Variants in TRIM60 observed in about 807,000 individuals in gnomAD.
TRIM60 encodes the protein tripartite motif-containing protein 60.
For missense variants in TRIM60, 524 were observed against 540.8 expected (o/e 0.97, Z 0.31); for synonymous variants, 189 against 195.2 (o/e 0.97, Z 0.27).
At position 165,040,164 on chromosome 4, in the gene TRIM60, G is replaced by T; in HGVS notation, c.92G>T (p.Cys31Phe). The T allele has an allele frequency of 1.2e-6, 2 of 1,614,122 alleles. No homozygotes were observed. The highest frequency in any genetic ancestry group is 1.7e-6 in the Non-Finnish European group (2 of 1,180,028). Residue 31 changes from cysteine to phenylalanine, a missense_variant, in exon 3 of 3, where the codon TGT becomes TTT. By Grantham distance (205) the Cys-to-Phe change is radical. Transcript: ENST00000512596. ...TTGAAAGACCCAGTGACCATCAACTGTGGGCACAACTTCTGTCGCTCCTGC... is the reference window on the plus strand; with the variant it reads ...TTGAAAGACCCAGTGACCATCAACTTTGGGCACAACTTCTGTCGCTCCTGC... ...EYLKDPVTINCGHNFCRSCLS... is the reference protein window; with the variant it reads ...EYLKDPVTINFGHNFCRSCLS...
In TRIM60 at chr4:165,041,074, TG is replaced by T; in HGVS notation, c.1003del (p.Val335SerfsTer6). 1 of 1,614,248 alleles carries T rather than the reference TG, an allele frequency of 6.2e-7. No homozygotes were observed. The highest frequency in any genetic ancestry group is 1.1e-5 in the South Asian group (1 of 91,092). ...TTTGTTATGACCCAAGGAGATTTTA[TG>T]TCTGCCCTGCTGTCCTAGGCTCTCA... ...NICYDPRRFY[V>X]CPAVLGSQRF... is the part of the protein sequence containing the mutation. On this transcript the variant is annotated frameshift_variant, in exon 3 of 3. Transcript: ENST00000512596. LOFTEE classifies it low-confidence loss of function (END_TRUNC).
At position 165,040,933 on chromosome 4, in the gene TRIM60, C is replaced by G; in HGVS notation, c.861C>G (p.Asp287Glu). ...FSLPPQYSGL[D>E]RIIKPFQVDV... is the part of the protein sequence containing the mutation. ...TTCCTCCTCAATATTCTGGCTTGGA[C>G]AGAATTATCAAGCCATTTCAAGTAG... Residue 287 changes from aspartate (D) to glutamate (E), a missense_variant, in exon 3 of 3, where the codon GAC becomes GAG. Asp to Glu is a conservative substitution (Grantham distance 45). Transcript: ENST00000512596. 6.2e-7 allele frequency: 1 copy of G among 1,613,772 alleles called. No homozygotes were observed. The highest frequency in any genetic ancestry group is 8.5e-7 in the Non-Finnish European group (1 of 1,179,742).
chr4:165,040,408 A>G lies in TRIM60; in HGVS notation c.336A>G (p.Leu112=). ...TGACCCTCTTCTGTGTTAAAGATCT[A>G]GAGATCTTATGTACACAGTGCAGTT... ...QFLTLFCVKD[L]EILCTQCSFS... is the part of the protein sequence containing the mutation. Residue 112 remains leucine (L), a synonymous_variant, in exon 3 of 3, where the codon CTA becomes CTG. Transcript: ENST00000512596. 1.9e-6 allele frequency: 3 copies of G among 1,614,028 alleles called. No individual in the cohort carries two copies. The highest frequency in any genetic ancestry group is 2.5e-6 in the Non-Finnish European group (3 of 1,179,856).
rs1420297132 is a variant in TRIM60 at position 165,036,796 on chromosome 4, GC to G, written c.-56-2404del. On this transcript the variant is annotated intron_variant, in intron 1 of 2. Coordinates refer to ENST00000512596, the MANE Select transcript of TRIM60 (RefSeq NM_152620.3). ...CTGGGGAGGCTGAGGCAGGGGAATCGCTTGAACCTGGGAGGCAGAGGTTGCA... is the reference window on the plus strand; with the variant it reads ...CTGGGGAGGCTGAGGCAGGGGAATCGTTGAACCTGGGAGGCAGAGGTTGCA... 6.6e-5 allele frequency among the ~76,000 whole-genome samples: 10 copies of G among 151,194 alleles called. 1 individual carries two copies. Among genetic ancestry groups the G allele is most frequent in the African/African-American group, 2.4e-4 (10 of 41,126 alleles).
At chr4:165,039,534 C>T (rs952350360) in intron 2 of TRIM60, 2 of 146,222 alleles carry the variant, frequency 1.4e-5, no homozygotes, top group African/African-American at 5.2e-5. Context: ...CGCGGTGGCT[C>T]ACGCCTGTAA....
At chr4:165,034,232 A>G (rs1733570057) in intron 1 of TRIM60, among the ~76,000 whole-genome samples, 1 of 151,582 alleles carries the variant, frequency 6.6e-6, no homozygotes, top group Non-Finnish European at 1.5e-5. Flanking sequence ...GGCTCACTGC[A>G]ACCTCCACCT....
Position 165,041,060 on chromosome 4 carries a change from C to T in TRIM60, c.988C>T (p.Pro330Ser). ...ERKKRNICYD[P>S]RRFYVCPAVL... ...AAAAAAACGAAACATTTGTTATGACCCAAGGAGATTTTATGTCTGCCCTGC... is the reference window on the plus strand; with the variant it reads ...AAAAAAACGAAACATTTGTTATGACTCAAGGAGATTTTATGTCTGCCCTGC... The change falls in exon 3 of 3, where the codon CCA becomes TCA. Residue 330 changes from proline to serine, a missense_variant. Coordinates refer to ENST00000512596, the MANE Select transcript of TRIM60 (RefSeq NM_152620.3). The T allele has an allele frequency of 6.2e-7, 1 of 1,614,064 alleles. No individual in the cohort carries two copies. The highest frequency in any genetic ancestry group is 8.5e-7 in the Non-Finnish European group (1 of 1,180,010).
In TRIM60 at chr4:165,040,559, A is replaced by G. The variant is rs758010249; in HGVS notation, c.487A>G (p.Ile163Val). Residue 163 changes from isoleucine to valine, a missense_variant, in exon 3 of 3, where the codon ATT becomes GTT. Ile to Val is a conservative substitution (Grantham distance 29, BLOSUM62 3). Coordinates refer to ENST00000512596, the MANE Select transcript of TRIM60 (RefSeq NM_152620.3). ...NNIERVEKVI[I>V]LQGSKSVELK... The stretch of plus-strand genomic sequence containing the variant: ...TATAGAACGAGTTGAAAAAGTGATA[A>G]TTCTGCAAGGCAGCAAATCAGTGGA... 14 of 1,614,042 alleles carry G rather than the reference A, an allele frequency of 8.7e-6. No homozygotes were observed. The highest frequency in any genetic ancestry group is 2.2e-5 in the South Asian group (2 of 91,082).
chr4:165,040,305 C>T lies in TRIM60; in HGVS notation c.233C>T (p.Ala78Val), dbSNP rs1280208019. 1 of 1,614,048 alleles carries T rather than the reference C, an allele frequency of 6.2e-7. No homozygotes were observed. Among genetic ancestry groups the T allele is most frequent in the African/African-American group, 1.3e-5 (1 of 74,896 alleles). Residue 78 changes from alanine to valine, a missense_variant, in exon 3 of 3, where the codon GCT becomes GTT. Transcript: ENST00000512596. ...NPQLRNLTEI[A>V]KQLQIRRSKR... Reference sequence around the variant, plus strand: ...CAGCTCCGTAATTTGACTGAAATTGCTAAACAACTCCAGATTAGGAGGAGC... The same window carrying T: ...CAGCTCCGTAATTTGACTGAAATTGTTAAACAACTCCAGATTAGGAGGAGC...
chr4:165,040,141 G>C lies in TRIM60; in HGVS notation c.69G>C (p.Leu23Phe). 1 of 1,613,970 alleles carries C rather than the reference G, an allele frequency of 6.2e-7. No individual in the cohort carries two copies. Among genetic ancestry groups the C allele is most frequent in the South Asian group, 1.1e-5 (1 of 91,078 alleles). Residue 23 changes from leucine (L) to phenylalanine (F), a missense_variant, in exon 3 of 3, where the codon TTG becomes TTC. Coordinates refer to ENST00000512596, the MANE Select transcript of TRIM60 (RefSeq NM_152620.3). ...ESSCPICLEY[L>F]KDPVTINCGH... ...GCTGTCCCATCTGTCTGGAGTACTT[G>C]AAAGACCCAGTGACCATCAACTGTG...
At chr4:165,033,890 A>C (rs563604548) in intron 1 of TRIM60, among the ~76,000 whole-genome samples, 1 of 152,204 alleles carries the variant, frequency 6.6e-6, no homozygotes, top group Non-Finnish European at 1.5e-5. Context: ...GCTCACTGGC[A>C]CTTAAGGAAG....
chr4:165,040,079 T>TAC lies in TRIM60; in HGVS notation c.7_8insAC (p.Phe3TyrfsTer3). The TAC allele has an allele frequency of 6.2e-7, 1 of 1,611,836 alleles. No homozygotes were observed. Among genetic ancestry groups the TAC allele is most frequent in the Admixed American group, 1.7e-5 (1 of 59,952 alleles). ...TACCTTTGTTCGCAGCTCGATGGAG[T>TAC]TTGTGACAGCCCTGGTGAACCTCCA... is the stretch of plus-strand genomic sequence containing the variant. On this transcript the variant is annotated frameshift_variant, in exon 3 of 3. Coordinates refer to ENST00000512596, the MANE Select transcript of TRIM60 (RefSeq NM_152620.3). LOFTEE classifies it low-confidence loss of function (END_TRUNC).
At position 165,041,523 on chromosome 4, in the gene TRIM60, G is replaced by C; in HGVS notation, c.*35G>C. ...AAATGGGTCTGTTTCAGTTTTTGTA[G>C]GTAACTTAGCCAGTAAATTTAATCT... On this transcript the variant is annotated 3_prime_UTR_variant, in exon 3 of 3. Coordinates refer to ENST00000512596, the MANE Select transcript of TRIM60 (RefSeq NM_152620.3). The C allele has an allele frequency of 7.2e-7, 1 of 1,394,834 alleles. No homozygotes were observed. Among genetic ancestry groups the C allele is most frequent in the Non-Finnish European group, 9.7e-7 (1 of 1,035,434 alleles). The allele number at this position is 1,394,834 out of a possible 1,614,324, so 86.4% of individuals were successfully genotyped here. A position where few individuals can be genotyped will look rare whatever the true frequency, so the allele number is the denominator to read the frequency against.
intron 2 of TRIM60, among the ~76,000 whole-genome samples, chr4:165,039,859 C>T (rs1367908407): frequency 6.6e-6 from 1 of 151,182 alleles, no homozygotes; most frequent in Non-Finnish European, 1.5e-5. Flanking sequence ...GAGCTGTAAG[C>T]TTTGAATTAT....
intron 1 of TRIM60, among the ~76,000 whole-genome samples, chr4:165,035,627 AATTCTAGTTTCTCAGAAGGAAAGCAGCT>A (rs1733604663): frequency 6.6e-6 from 1 of 152,200 alleles, no homozygotes; most frequent in African/African-American, 2.4e-5. Flanking sequence ...CTTATATCAA[AATTCTAGTTTCTCAGAAGGAAAGCAGCT>A]ATTCATCATA....
Position 165,040,670 on chromosome 4 carries a change from A to T in TRIM60, c.598A>T (p.Met200Leu), listed in dbSNP as rs750235048. The change falls in exon 3 of 3, where the codon ATG becomes TTG. Residue 200 changes from methionine to leucine, a missense_variant. Transcript: ENST00000512596. ...ATTGTTTTTACAGAATGAACAAGAG[A>T]TGATTCTTAGGCAGATACAAGATGA... ...IRLFLQNEQE[M>L]ILRQIQDEEM... 1 of 1,613,928 alleles carries T rather than the reference A, an allele frequency of 6.2e-7. No homozygotes were observed. Among genetic ancestry groups the T allele is most frequent in the Non-Finnish European group, 8.5e-7 (1 of 1,179,920 alleles).
In TRIM60 at chr4:165,040,878, C is replaced by T. The variant is rs1051268522; in HGVS notation, c.806C>T (p.Ser269Leu). The change falls in exon 3 of 3, where the codon TCA becomes TTA. Residue 269 changes from serine (S) to leucine (L), a missense_variant. Transcript: ENST00000512596. ...AACCTAAAATGCCCTGAACTCTTTT[C>T]ATTTAGATTAACAAAATATGGTTTC... ...YQNLKCPELF[S>L]FRLTKYGFSL... 1.9e-6 allele frequency: 3 copies of T among 1,612,734 alleles called. No individual in the cohort carries two copies. The highest frequency in any genetic ancestry group is 2.2e-5 in the East Asian group (1 of 44,862).
Position 165,040,196 on chromosome 4 carries a change from G to A in TRIM60, c.124G>A (p.Val42Ile). 1.9e-6 allele frequency: 3 copies of A among 1,614,184 alleles called. No homozygotes were observed. The highest frequency in any genetic ancestry group is 2.5e-6 in the Non-Finnish European group (3 of 1,180,036). ...GHNFCRSCLS[V>I]SWKDLDDTFP... ...CAACTTCTGTCGCTCCTGCCTCAGT[G>A]TATCCTGGAAGGATCTAGATGATAC... Residue 42 changes from valine to isoleucine, a missense_variant, in exon 3 of 3, where the codon GTA becomes ATA. Coordinates refer to ENST00000512596, the MANE Select transcript of TRIM60 (RefSeq NM_152620.3).
Position 165,040,437 on chromosome 4 carries a change from C to A in TRIM60, c.365C>A (p.Ser122Tyr). 1 of 1,614,168 alleles carries A rather than the reference C, an allele frequency of 6.2e-7. No individual in the cohort carries two copies. The change falls in exon 3 of 3, where the codon TCC (serine) becomes TAC (tyrosine). Residue 122 changes from serine (S) to tyrosine (Y), a missense_variant. Physicochemically the swap from Ser to Tyr is moderately radical, Grantham distance 144. Transcript: ENST00000512596. Reference protein sequence around the residue: ...LEILCTQCSFSTKHQKHYICP... With the variant: ...LEILCTQCSFYTKHQKHYICP... ...ATCTTATGTACACAGTGCAGTTTCT[C>A]CACTAAACACCAGAAGCACTACATT...
Sources: allele counts gnomAD v4.1 joint callset (sites outside exome capture counted in the v4.1 genomes callset), GRCh38; gene constraint gnomAD v4.1.1; transcripts MANE v1.5; gene names NCBI Gene and HGNC (gene_info 2026-07-23, HGNC 2026-07-21).